The following OXR1 variants were observed in gnomAD, a reference collection of about 807,000 sequenced individuals.
OXR1 encodes the protein oxidation resistance protein 1.
OXR1 carries 41 observed loss-of-function variants against 104.6 expected under a neutral mutation model. The observed-to-expected ratio is 0.39, with a 90% CI of 0.31 to 0.51. OXR1 has a LOEUF of 0.51. Ranked by LOEUF, OXR1 falls within the 20% of genes least tolerant of loss-of-function variation. The probability of loss-of-function intolerance (pLI) is 0.77; values close to 1 mark genes in which losing one functional copy is unlikely to be tolerated. For synonymous variants in OXR1, 348 were observed against 348.4 expected (o/e 1.00, Z 0.01); for missense variants, 955 against 1,031.9 (o/e 0.93, Z 1.02).
rs541216364 is a variant in OXR1, at chr8:106,538,775, A to C, written c.220+19636A>C. Among the ~76,000 whole-genome samples the C allele has an allele frequency of 2.0e-5, 3 of 147,216 alleles. No individual in the cohort carries two copies. The South Asian group carries it at 6.4e-4, about 31-fold the overall frequency. ...AATAGCATAAAAACAGGCTTTTTGC[A>C]TGCAGTAAAACAAAGTTAAAGTTTG... On this transcript the variant is annotated intron_variant, in intron 3 of 16. Transcript: ENST00000517566.
At chr8:106,710,556 GTTAAC>G in intron 9 of OXR1, 61 bp from the exon 10 acceptor site, 1 of 1,085,332 alleles carries the variant, frequency 9.2e-7, no homozygotes, top group Admixed American at 3.0e-5. Context: ...TGAAGGTAAA[GTTAAC>G]TAAACTACCT....
At chr8:106,484,241 T>C (rs1265451903) in intron 2 of OXR1, among the ~76,000 whole-genome samples, 3 of 151,758 alleles carry the variant, frequency 2.0e-5, no homozygotes, top group South Asian at 2.1e-4. Flanking sequence ...AAGGAAAAAA[T>C]AGGACAACTA....
chr8:106,735,175 C>T (rs953141474), intron 11 of OXR1, among the ~76,000 whole-genome samples: 2 of 151,526 alleles, frequency 1.3e-5, no homozygotes, highest in East Asian at 3.9e-4. Flanking sequence ...TATTTCTGTA[C>T]TCAAATTCAA....
intron 6 of OXR1, among the ~76,000 whole-genome samples, chr8:106,691,377 GT>G (rs2131285674): frequency 6.6e-6 from 1 of 151,988 alleles, no homozygotes; most frequent in South Asian, 2.1e-4. Context: ...ATTTATGTAA[GT>G]TACGGTGAGG....
intron 2 of OXR1, among the ~76,000 whole-genome samples, chr8:106,508,930 A>C (rs1563569965): frequency 6.6e-6 from 1 of 152,330 alleles, no homozygotes; most frequent in African/African-American, 2.4e-5. Context: ...TATGTTGTGC[A>C]TAAGCAAAAC....
intron 3 of OXR1, among the ~76,000 whole-genome samples, chr8:106,659,450 G>A (rs1043260729): frequency 2.0e-5 from 3 of 152,182 alleles, no homozygotes; most frequent in Non-Finnish European, 4.4e-5. Flanking sequence ...ATGAAAAGGG[G>A]AGGGGAATAC....
intron 2 of OXR1, among the ~76,000 whole-genome samples, chr8:106,452,206 T>C (rs1820353385): frequency 6.6e-6 from 1 of 152,184 alleles, no homozygotes; most frequent in Non-Finnish European, 1.5e-5. Context: ...GAAACCGAAC[T>C]CCACAAATAT....
At chr8:106,576,728 G>T (rs1817867316) in intron 3 of OXR1, among the ~76,000 whole-genome samples, 1 of 152,098 alleles carries the variant, frequency 6.6e-6, no homozygotes, top group Admixed American at 6.6e-5. Flanking sequence ...TGATCATAGT[G>T]ACTATGATGG....
chr8:106,495,146 T>C (rs995814386), intron 2 of OXR1, among the ~76,000 whole-genome samples: 1 of 151,626 alleles, frequency 6.6e-6, no homozygotes, highest in Non-Finnish European at 1.5e-5. Context: ...ATCTATTATT[T>C]AATATACATA....
intron 2 of OXR1, among the ~76,000 whole-genome samples, chr8:106,454,338 G>A (rs1162954210): frequency 6.6e-6 from 1 of 151,846 alleles, no homozygotes; most frequent in Non-Finnish European, 1.5e-5. Flanking sequence ...ACATGCACCT[G>A]TAGTCCCAGC....
chr8:106,667,443 G>A (rs1191769653), intron 3 of OXR1, among the ~76,000 whole-genome samples: 13 of 152,174 alleles, frequency 8.5e-5, no homozygotes, highest in Admixed American at 8.5e-4. Context: ...AGAAATGCAT[G>A]TTTAAGTTTT....
chr8:106,371,328 T>C (rs543159169), intron 2 of OXR1, among the ~76,000 whole-genome samples: 2 of 152,098 alleles, frequency 1.3e-5, no homozygotes, highest in African/African-American at 4.8e-5. Flanking sequence ...ATTTTGTTAG[T>C]TTTTTCAAAA....
At chr8:106,593,065 C>T (rs1440929937) in intron 3 of OXR1, among the ~76,000 whole-genome samples, 1 of 152,194 alleles carries the variant, frequency 6.6e-6, no homozygotes, top group Non-Finnish European at 1.5e-5. Flanking sequence ...GTGAAGCTTT[C>T]CCGGATTCTT....
chr8:106,512,623 T>C (rs551179617), intron 2 of OXR1, among the ~76,000 whole-genome samples: 1 of 152,266 alleles, frequency 6.6e-6, no homozygotes, highest in Non-Finnish European at 1.5e-5. Context: ...TAGTTTAGGC[T>C]CAAGGTAGAG....
At chr8:106,404,265 C>A (rs987213909) in intron 2 of OXR1, among the ~76,000 whole-genome samples, 1 of 152,104 alleles carries the variant, frequency 6.6e-6, no homozygotes, top group African/African-American at 2.4e-5. Context: ...CAGGGGGAGA[C>A]TTCTTCTACG....
At chr8:106,343,802 G>A (rs752251095) in intron 1 of OXR1, among the ~76,000 whole-genome samples, 2 of 152,130 alleles carry the variant, frequency 1.3e-5, no homozygotes, top group Non-Finnish European at 2.9e-5. Flanking sequence ...TGTATATCTC[G>A]GGTAGTGCTT....
chr8:106,616,565 A>G (rs1408921372), intron 3 of OXR1, among the ~76,000 whole-genome samples: 1 of 152,052 alleles, frequency 6.6e-6, no homozygotes, highest in Admixed American at 6.5e-5. Flanking sequence ...AATTTATATC[A>G]TTTTCCTGCA....
At chr8:106,531,074 T>G (rs913913320) in intron 3 of OXR1, among the ~76,000 whole-genome samples, 6 of 152,298 alleles carry the variant, frequency 3.9e-5, no homozygotes, top group Non-Finnish European at 8.8e-5. Flanking sequence ...TTAATTTAGA[T>G]TGGTATCTTT....
intron 2 of OXR1, among the ~76,000 whole-genome samples, chr8:106,409,449 A>G (rs1176562211): frequency 6.6e-6 from 1 of 152,180 alleles, no homozygotes; most frequent in Non-Finnish European, 1.5e-5. Flanking sequence ...AAGCAAACAA[A>G]AAACAGGAAG....
Sources: gnomAD v4.1 joint callset for allele counts (sites outside exome capture counted in the v4.1 genomes callset) on GRCh38, gnomAD v4.1.1 for gene constraint, MANE v1.5 for transcripts, NCBI Gene and HGNC (gene_info 2026-07-23, HGNC 2026-07-21) for gene names.